Variants in ATAD5 observed in about 807,000 individuals in gnomAD.
ATAD5 encodes ATPase family AAA domain-containing protein 5.
ATAD5 carries 58 observed loss-of-function variants against 176.9 expected under a neutral mutation model. The observed-to-expected ratio is 0.33, with a 90% CI of 0.27 to 0.41. The LOEUF is 0.41. Ranked by LOEUF, ATAD5 falls within the 10% of genes least tolerant of loss-of-function variation. The pLI, the probability that ATAD5 is intolerant of heterozygous loss-of-function variation, is 1.00. For synonymous variants in ATAD5, 640 were observed against 712.6 expected (o/e 0.90, Z 1.62); for missense variants, 1,789 against 2,094.1 (o/e 0.85, Z 2.84).
At position 30,855,687 on chromosome 17, in the gene ATAD5, CT is replaced by C. The variant is rs1907255457; in HGVS notation, c.2635+362del. On this transcript the variant is annotated intron_variant, in intron 7 of 22. Transcript: ENST00000321990. Reference sequence around the variant, plus strand: ...TCCTGTCTCTAAACTAGCTAACTAACTTAATTAATTAATTAATTAAAATTTG... The same window carrying C: ...TCCTGTCTCTAAACTAGCTAACTAACTAATTAATTAATTAATTAAAATTTG... 5.3e-5 allele frequency among the ~76,000 whole-genome samples: 8 copies of C among 151,952 alleles called. No individual in the cohort carries two copies. In the Admixed American group the frequency reaches 5.3e-4, roughly 10 times the overall value.
In ATAD5 at chr17:30,834,713, G is replaced by C; in HGVS notation, c.632G>C (p.Arg211Thr). Residue 211 changes from arginine to threonine, a missense_variant, in exon 2 of 23, where the codon AGA becomes ACA. By Grantham distance (71) the Arg-to-Thr change is moderately conservative. Coordinates refer to ENST00000321990, the MANE Select transcript of ATAD5 (RefSeq NM_024857.5). ...AAAAAGTTGAGAAAAAGGAAATGCAGAGATGTAGTAGATCTATCTGAAAGC... is the reference window on the plus strand; with the variant it reads ...AAAAAGTTGAGAAAAAGGAAATGCACAGATGTAGTAGATCTATCTGAAAGC... ...DFKKLRKRKC[R>T]DVVDLSESLP... 6.2e-7 allele frequency: 1 copy of C among 1,611,520 alleles called. No homozygotes were observed. The highest frequency in any genetic ancestry group is 8.5e-7 in the Non-Finnish European group (1 of 1,179,314).
intron 19 of ATAD5, among the ~76,000 whole-genome samples, chr17:30,890,418 C>CTTTTTTTTTTTTTTTTTTT (rs968126768): frequency 9.4e-6 from 1 of 106,722 alleles, no homozygotes; most frequent in Non-Finnish European, 1.9e-5. Flanking sequence ...CTCTTCTTTT[C>CTTTTTTTTTTTTTTTTTTT]TTTTTTTTTT....
chr17:30,863,679 T>TC (rs1262007482), intron 10 of ATAD5, among the ~76,000 whole-genome samples: 5 of 149,706 alleles, frequency 3.3e-5, no homozygotes, highest in African/African-American at 9.9e-5. Context: ...TTTTTTTTTT[T>TC]TTTGAGACAA....
At position 30,892,603 on chromosome 17, in the gene ATAD5, G is replaced by A. The variant is rs747990220; in HGVS notation, c.4259-4G>A. On this transcript the variant is annotated splice_polypyrimidine_tract_variant and splice_region_variant and intron_variant, in intron 19 of 22. Transcript: ENST00000321990. Reference sequence around the variant, plus strand: ...TAGAGCTAAGATTTTCTTTTATTTTGTAGGTGGAAATAGCAGAAATGTACA... The same window carrying A: ...TAGAGCTAAGATTTTCTTTTATTTTATAGGTGGAAATAGCAGAAATGTACA... 5.2e-6 allele frequency: 8 copies of A among 1,537,174 alleles called. No homozygotes were observed. The South Asian group carries it at 7.8e-5, about 15-fold the overall frequency.
At chr17:30,851,463 TCCAG>T (rs1046179617) in intron 6 of ATAD5, among the ~76,000 whole-genome samples, 2 of 143,632 alleles carry the variant, frequency 1.4e-5, no homozygotes, top group Admixed American at 7.1e-5. Context: ...GCCACTGCAC[TCCAG>T]CCTGGGCAAC....
At position 30,834,428 on chromosome 17, in the gene ATAD5, G is replaced by A. The variant is rs1387331730; in HGVS notation, c.347G>A (p.Arg116Lys). Reference protein sequence around the residue: ...SNVEFKKKRKRVNLSHQLNNI... With the variant: ...SNVEFKKKRKKVNLSHQLNNI... Reference sequence around the variant, plus strand: ...GTAGAGTTTAAGAAGAAAAGAAAGAGGGTTAATTTATCTCATCAACTAAAT... The same window carrying A: ...GTAGAGTTTAAGAAGAAAAGAAAGAAGGTTAATTTATCTCATCAACTAAAT... Residue 116 changes from arginine (R) to lysine (K), a missense_variant, in exon 2 of 23, where the codon AGG (arginine) becomes AAG (lysine). Transcript: ENST00000321990. The A allele has an allele frequency of 6.3e-7, 1 of 1,598,420 alleles. No individual in the cohort carries two copies. Among genetic ancestry groups the A allele is most frequent in the African/African-American group, 1.4e-5 (1 of 73,992 alleles).
chr17:30,857,222 A>AT (rs995996112), intron 8 of ATAD5, 110 bp downstream of exon 8: 154,701 of 927,164 alleles, frequency 0.17, 35 homozygotes, highest in East Asian at 0.19. Context: ...CTAGAGTTTA[A>AT]TTTTTTTTTT....
chr17:30,846,027 T>A (rs992877550), intron 6 of ATAD5, among the ~76,000 whole-genome samples: 3 of 152,198 alleles, frequency 2.0e-5, no homozygotes, highest in Non-Finnish European at 2.9e-5. Context: ...AATTATATAT[T>A]GTTAAGCACA....
chr17:30,895,669 G>A lies in ATAD5; in HGVS notation c.*756G>A, dbSNP rs1414658712. Reference sequence around the variant, plus strand: ...GATCCATCTGCCTCGGCCTCCCAAAGTGCTGGGATCACAGGCGTGAGCCAC... The same window carrying A: ...GATCCATCTGCCTCGGCCTCCCAAAATGCTGGGATCACAGGCGTGAGCCAC... On this transcript the variant is annotated 3_prime_UTR_variant, in exon 23 of 23. Coordinates refer to ENST00000321990, the MANE Select transcript of ATAD5 (RefSeq NM_024857.5). The A allele has an allele frequency of 6.6e-6, 1 of 152,266 alleles. No homozygotes were observed. Among genetic ancestry groups the A allele is most frequent in the African/African-American group, 2.4e-5 (1 of 41,406 alleles). 9.4% of individuals were successfully genotyped at this position (152,266 alleles called of 1,614,324 possible).
chr17:30,888,991 C>T (rs952066986), intron 19 of ATAD5, among the ~76,000 whole-genome samples: 6 of 148,920 alleles, frequency 4.0e-5, no homozygotes, highest in Admixed American at 1.3e-4. Flanking sequence ...ACCCAGGAGG[C>T]GGAGGCTGCA....
intron 10 of ATAD5, among the ~76,000 whole-genome samples, 180 bp downstream of exon 10, chr17:30,860,792 TG>T (rs1427898655): frequency 2.6e-5 from 4 of 152,136 alleles, no homozygotes; most frequent in Non-Finnish European, 5.9e-5. Flanking sequence ...CAGGCTGGAG[TG>T]CAATGGCACG....
In ATAD5 at chr17:30,835,386, T is replaced by A. The variant is rs1307842558; in HGVS notation, c.1305T>A (p.Tyr435Ter). The A allele has an allele frequency of 6.2e-7, 1 of 1,610,754 alleles. No homozygotes were observed. Among genetic ancestry groups the A allele is most frequent in the East Asian group, 2.2e-5 (1 of 44,858 alleles). Residue 435 changes from tyrosine to a stop codon, truncating the protein, a stop_gained, in exon 2 of 23, where the codon TAT becomes TAA. Coordinates refer to ENST00000321990, the MANE Select transcript of ATAD5 (RefSeq NM_024857.5). LOFTEE classifies it high-confidence loss of function. ...KQKDLNEKCL[Y>*]EVGRDDNSKK... The stretch of plus-strand genomic sequence containing the variant: ...AAGACCTTAATGAAAAATGTCTATA[T>A]GAAGTAGGAAGAGATGATAATTCTA...
intron 2 of ATAD5, among the ~76,000 whole-genome samples, chr17:30,837,005 C>G (rs3764419): frequency 4.6e-5 from 7 of 151,870 alleles, no homozygotes; most frequent in African/African-American, 7.3e-5. Flanking sequence ...CTATCTATCT[C>G]TCTGGAAACA....
intron 6 of ATAD5, among the ~76,000 whole-genome samples, chr17:30,847,386 A>C (rs1476164990): frequency 2.0e-5 from 3 of 152,012 alleles, no homozygotes; most frequent in African/African-American, 7.2e-5. Context: ...GCTGGAGTGC[A>C]GTGGCGCGAT....
chr17:30,879,273 G>T, intron 17 of ATAD5, 150 bp from the exon 18 acceptor site: 1 of 780,244 alleles, frequency 1.3e-6, no homozygotes, highest in South Asian at 1.9e-5. Context: ...GGAGTTTGAG[G>T]CTGCAGTGAG....
At chr17:30,846,146 C>T (rs910892863) in intron 6 of ATAD5, among the ~76,000 whole-genome samples, 4 of 152,094 alleles carry the variant, frequency 2.6e-5, no homozygotes. Flanking sequence ...CCACCACCAC[C>T]ATCACCACAA....
At chr17:30,894,391 T>C (rs556968675) in intron 21 of ATAD5, among the ~76,000 whole-genome samples, 173 bp from the exon 22 acceptor site, 1 of 150,780 alleles carries the variant, frequency 6.6e-6, no homozygotes, top group South Asian at 2.2e-4. Flanking sequence ...TTGGTCTTGC[T>C]GTATAGTTAT....
chr17:30,875,410 T>G (rs1908596364), intron 14 of ATAD5, among the ~76,000 whole-genome samples: 1 of 152,076 alleles, frequency 6.6e-6, no homozygotes, highest in Admixed American at 6.5e-5. Flanking sequence ...ATGTGCTCAG[T>G]GTATACTGTT....
chr17:30,882,850 T>C (rs994331602), intron 18 of ATAD5, among the ~76,000 whole-genome samples: 5 of 152,178 alleles, frequency 3.3e-5, no homozygotes, highest in Admixed American at 2.6e-4. Flanking sequence ...AGAAAGTGGA[T>C]TCATAGCTGC....
Sources: gnomAD v4.1 joint callset for allele counts (sites outside exome capture counted in the v4.1 genomes callset) on GRCh38, gnomAD v4.1.1 for gene constraint, MANE v1.5 for transcripts, NCBI Gene and HGNC (gene_info 2026-07-23, HGNC 2026-07-21) for gene names.